FCHSD2: variants seen among roughly 807,000 people sequenced by gnomAD.
FCHSD2 encodes FCH and double SH3 domains 2, also known as F-BAR and double SH3 domains protein 2.
Under a neutral mutation model 108.1 loss-of-function variants are expected in FCHSD2, and 38 were observed. The ratio of observed to expected loss-of-function variants is 0.35; its 90% CI spans 0.27 to 0.46. The LOEUF (loss-of-function observed/expected upper bound fraction) is 0.46. FCHSD2 is among the 20% of genes least tolerant of loss of function. FCHSD2 has a pLI of 1.00. For missense variants in FCHSD2, 751 were observed against 897.8 expected (o/e 0.84, Z 2.09); for synonymous variants, 279 against 314.7 (o/e 0.89, Z 1.20).
At chr11:73,078,637 A>T (rs1047872262) in intron 3 of FCHSD2, among the ~76,000 whole-genome samples, 1 of 94,484 alleles carries the variant, frequency 1.1e-5, no homozygotes, top group Non-Finnish European at 2.3e-5. Context: ...CTATTCTGAT[A>T]AAAAAAAAAA....
intron 3 of FCHSD2, among the ~76,000 whole-genome samples, chr11:73,068,877 T>C (rs1242417589): frequency 1.4e-5 from 2 of 147,638 alleles, no homozygotes; most frequent in Non-Finnish European, 3.0e-5. Context: ...CAGCCAGGTG[T>C]GGTGGCATGT....
At chr11:73,020,740 CGAAAT>C (rs1858081863) in intron 3 of FCHSD2, among the ~76,000 whole-genome samples, 1 of 151,224 alleles carries the variant, frequency 6.6e-6, no homozygotes, top group Non-Finnish European at 1.5e-5. Flanking sequence ...AATTTCATGA[CGAAAT>C]GAAATATTAA....
intron 3 of FCHSD2, among the ~76,000 whole-genome samples, chr11:73,061,640 C>T (rs1334926268): frequency 6.6e-6 from 1 of 152,162 alleles, no homozygotes; most frequent in Non-Finnish European, 1.5e-5. Context: ...GAGACGTCCG[C>T]CATTGCTGAG....
intron 5 of FCHSD2, among the ~76,000 whole-genome samples, chr11:72,992,517 G>T (rs1292453911): frequency 1.3e-5 from 2 of 152,120 alleles, no homozygotes; most frequent in African/African-American, 2.4e-5. Flanking sequence ...ATACTACAAG[G>T]CTACGGTAAC....
chr11:72,964,244 A>G (rs1006955372), intron 8 of FCHSD2, among the ~76,000 whole-genome samples: 1 of 152,238 alleles, frequency 6.6e-6, no homozygotes, highest in Non-Finnish European at 1.5e-5. Flanking sequence ...TGTACAGGAA[A>G]ATGAACAACT....
At chr11:72,990,290 AG>A (rs1324290124) in intron 5 of FCHSD2, among the ~76,000 whole-genome samples, 13 of 152,180 alleles carry the variant, frequency 8.5e-5, no homozygotes, top group Non-Finnish European at 1.6e-4. Flanking sequence ...CTGTGTTATT[AG>A]GCAACATTGC....
chr11:72,967,178 C>T (rs1436758954), intron 8 of FCHSD2, among the ~76,000 whole-genome samples: 5 of 142,702 alleles, frequency 3.5e-5, no homozygotes, highest in East Asian at 2.0e-4. Context: ...CCAGCCTGGG[C>T]GACAGAGCAA....
chr11:72,997,480 C>G (rs975277377), intron 5 of FCHSD2, among the ~76,000 whole-genome samples: 2 of 152,032 alleles, frequency 1.3e-5, no homozygotes, highest in Admixed American at 6.6e-5. Context: ...CATAATCAAA[C>G]AGAAGACCCA....
chr11:73,029,211 C>T (rs764605936), intron 3 of FCHSD2, among the ~76,000 whole-genome samples: 1 of 152,140 alleles, frequency 6.6e-6, no homozygotes, highest in Non-Finnish European at 1.5e-5. Context: ...TAGGAAACAA[C>T]TTTGGGGGAA....
At chr11:72,852,001 C>T (rs193030796) in intron 13 of FCHSD2, among the ~76,000 whole-genome samples, 5 of 150,860 alleles carry the variant, frequency 3.3e-5, no homozygotes, top group East Asian at 2.0e-4. Context: ...CTCAGCCTCC[C>T]AAATAGATGG....
chr11:73,048,849 C>CT (rs889569534), intron 3 of FCHSD2, among the ~76,000 whole-genome samples: 70 of 152,252 alleles, frequency 4.6e-4, no homozygotes, highest in Middle Eastern at 6.8e-3. Flanking sequence ...ACCATAAACT[C>CT]TAAGAAAAAT....
intron 8 of FCHSD2, among the ~76,000 whole-genome samples, chr11:72,979,939 G>A (rs1447336598): frequency 6.6e-6 from 1 of 152,148 alleles, no homozygotes. Flanking sequence ...GCTAATGTAA[G>A]AACAGAATGT....
At chr11:73,111,012 A>G (rs1453085319) in intron 2 of FCHSD2, among the ~76,000 whole-genome samples, 2 of 152,006 alleles carry the variant, frequency 1.3e-5, no homozygotes, top group East Asian at 3.8e-4. Flanking sequence ...TTCTAGTTTT[A>G]TTCCATTGTG....
intron 12 of FCHSD2, among the ~76,000 whole-genome samples, chr11:72,870,916 A>AC (rs1051572974): frequency 2.0e-5 from 3 of 150,262 alleles, no homozygotes; most frequent in African/African-American, 7.3e-5. Flanking sequence ...AAAAAAAAAA[A>AC]AAAAAGAATT....
intron 13 of FCHSD2, among the ~76,000 whole-genome samples, chr11:72,863,095 A>T (rs1162176365): frequency 6.7e-6 from 1 of 148,186 alleles, no homozygotes; most frequent in Non-Finnish European, 1.5e-5. Context: ...GCTAGTTGAA[A>T]TTTTTTTTTT....
At chr11:73,068,882 G>A (rs1859364510) in intron 3 of FCHSD2, among the ~76,000 whole-genome samples, 1 of 151,614 alleles carries the variant, frequency 6.6e-6, no homozygotes, top group Non-Finnish European at 1.5e-5. Flanking sequence ...AGGTGTGGTG[G>A]CATGTGCCTG....
In FCHSD2 at chr11:72,882,120, G is replaced by A. The variant is rs187614168; in HGVS notation, c.1146+5350C>T. 6.6e-3 allele frequency among the ~76,000 whole-genome samples: 995 copies of A among 151,882 alleles called. 9 individuals are homozygous for A. The highest frequency in any genetic ancestry group is 0.023 in the African/African-American group (944 of 41,412). The stretch of plus-strand genomic sequence containing the variant: ...AAATCGCGCCACTGCACTCCAGCCT[G>A]GGTGACAGCAAGACTCCGTCTCAAA... On this transcript the variant is annotated intron_variant, in intron 12 of 19. Transcript: ENST00000409418.
At chr11:73,102,064 G>C (rs951981658) in intron 2 of FCHSD2, among the ~76,000 whole-genome samples, 1 of 152,142 alleles carries the variant, frequency 6.6e-6, no homozygotes, top group Non-Finnish European at 1.5e-5. Flanking sequence ...TTTTAAATAT[G>C]AACAAATGAT....
At chr11:73,046,347 T>C (rs1241348614) in intron 3 of FCHSD2, among the ~76,000 whole-genome samples, 1 of 152,126 alleles carries the variant, frequency 6.6e-6, no homozygotes, top group Non-Finnish European at 1.5e-5. Context: ...AAACAATTAA[T>C]AATAAAAAAG....
Sources: allele counts gnomAD v4.1 joint callset (sites outside exome capture counted in the v4.1 genomes callset), GRCh38; gene constraint gnomAD v4.1.1; transcripts MANE v1.5; gene names NCBI Gene and HGNC (gene_info 2026-07-23, HGNC 2026-07-21).